Variants in ZNF814 observed in about 807,000 individuals in gnomAD.
The protein encoded by ZNF814 is zinc finger protein 814.
A neutral mutation model predicts 7.5 loss-of-function variants in ZNF814; 5 were observed. That is an observed-to-expected ratio of 0.67 (90% CI 0.35 to 1.40). The LOEUF is 1.40. Ranked by LOEUF, ZNF814 falls within the 40% of genes most tolerant of loss-of-function variation. The pLI, the probability that ZNF814 is intolerant of heterozygous loss-of-function variation, is 0.04. For synonymous variants in ZNF814, 315 were observed against 340.7 expected, an observed-to-expected ratio of 0.92 and a Z score of 0.83; for missense variants, 962 against 1,018.0, an observed-to-expected ratio of 0.94 and a Z score of 0.75.
At chr19:57,898,939 C>CAAAAAAAA in the ZNF814 span, among the ~76,000 whole-genome samples, 1 of 91,990 alleles carries the variant, frequency 1.1e-5, no homozygotes, top group Non-Finnish European at 2.3e-5. Flanking sequence ...GACTCTGTCT[C>CAAAAAAAA]AAAAAAAAAA....
the ZNF814 span, among the ~76,000 whole-genome samples, chr19:57,904,514 T>C: frequency 2.0e-5 from 3 of 152,134 alleles, no homozygotes; most frequent in Non-Finnish European, 2.9e-5. Flanking sequence ...GCCCCTGCCT[T>C]TGAAAGCAGG....
rs59940117 is a variant in ZNF814 at position 57,876,197 on chromosome 19, C to T, written c.163+719G>A. On this transcript the variant is annotated intron_variant, in intron 2 of 2. Coordinates refer to ENST00000435989, the MANE Select transcript of ZNF814 (RefSeq NM_001144989.2). ...GGTCTTGAACTCCTGACCTCATGAT[C>T]CACCTGCCAGGGCCTCCCAAAGTGC... is the stretch of plus-strand genomic sequence containing the variant. Among the ~76,000 whole-genome samples the T allele has an allele frequency of 8.0e-3, 1,215 of 152,056 alleles. 14 individuals carry two copies. The highest frequency in any genetic ancestry group is 0.027 in the African/African-American group (1,135 of 41,488).
the ZNF814 span, among the ~76,000 whole-genome samples, chr19:57,903,202 T>G: frequency 6.6e-6 from 1 of 152,228 alleles, no homozygotes; most frequent in African/African-American, 2.4e-5. Flanking sequence ...CAAAAAGATT[T>G]ATAGTTGCTC....
upstream of ZNF814, among the ~76,000 whole-genome samples, chr19:57,892,576 C>T (rs2071739441): frequency 6.6e-6 from 1 of 152,182 alleles, no homozygotes; most frequent in Non-Finnish European, 1.5e-5. Flanking sequence ...GAATAATCTG[C>T]CTTGCTGATG....
chr19:57,889,814 G>C (rs1264921235), upstream of ZNF814, among the ~76,000 whole-genome samples: 2 of 152,094 alleles, frequency 1.3e-5, no homozygotes, highest in African/African-American at 4.8e-5. Flanking sequence ...CGGTGAGTGA[G>C]ATCCTGCCAC....
the ZNF814 span, among the ~76,000 whole-genome samples, chr19:57,903,032 C>T: frequency 6.6e-6 from 1 of 152,076 alleles, no homozygotes; most frequent in African/African-American, 2.4e-5. Context: ...AGGAATGTCA[C>T]TTGTTTACTT....
At chr19:57,884,365 C>G (rs1011895833) in intron 1 of ZNF814, among the ~76,000 whole-genome samples, 1 of 152,152 alleles carries the variant, frequency 6.6e-6, no homozygotes, top group African/African-American at 2.4e-5. Context: ...ATAATCATAG[C>G]AGTTTGGGAG....
At chr19:57,889,630 C>T (rs1161570968), upstream of ZNF814, among the ~76,000 whole-genome samples, 1 of 152,058 alleles carries the variant, frequency 6.6e-6, no homozygotes, top group African/African-American at 2.4e-5. Flanking sequence ...TTTGGGAGGC[C>T]GAGGCAGGTG....
At chr19:57,894,430 TGTTTC>T in the ZNF814 span, among the ~76,000 whole-genome samples, 3 of 152,092 alleles carry the variant, frequency 2.0e-5, no homozygotes, top group African/African-American at 7.2e-5. Context: ...TTTCTTATTT[TGTTTC>T]ATTTTGTTTT....
Position 57,888,684 on chromosome 19 carries a change from C to T in ZNF814, c.36+83G>A. 2.0e-6 allele frequency: 3 copies of T among 1,517,964 alleles called. No individual in the cohort carries two copies. In the South Asian group the frequency reaches 3.6e-5, roughly 18 times the overall value. The allele number at this position is 1,517,964 out of a possible 1,614,324, so 94.0% of individuals were successfully genotyped here. A position where few individuals can be genotyped will look rare whatever the true frequency, so the allele number is the denominator to read the frequency against. On this transcript the variant is annotated intron_variant, in intron 1 of 2. Coordinates refer to ENST00000435989, the MANE Select transcript of ZNF814 (RefSeq NM_001144989.2). ...TGTCCCAACGCCGGCGTCCGGGCTGCAGAGCCGTGAACAGGCGCTGCTACC... is the reference window on the plus strand; with the variant it reads ...TGTCCCAACGCCGGCGTCCGGGCTGTAGAGCCGTGAACAGGCGCTGCTACC...
At chr19:57,883,286 G>T (rs150632364) in intron 1 of ZNF814, among the ~76,000 whole-genome samples, 1 of 150,568 alleles carries the variant, frequency 6.6e-6, no homozygotes, top group East Asian at 2.0e-4. Context: ...TGAACCCCAG[G>T]GGGGCAGAGC....
intron 2 of ZNF814, among the ~76,000 whole-genome samples, chr19:57,875,852 T>C (rs2071601674): frequency 1.3e-5 from 2 of 151,868 alleles, no homozygotes; most frequent in South Asian, 4.2e-4. Flanking sequence ...GTGTGCCTAC[T>C]TGCCTTGCCA....
the ZNF814 span, among the ~76,000 whole-genome samples, chr19:57,895,173 C>A: frequency 6.6e-6 from 1 of 152,146 alleles, no homozygotes; most frequent in South Asian, 2.1e-4. Context: ...AGAGGGGCCT[C>A]TAACTCTTAG....
chr19:57,875,312 G>A, intron 2 of ZNF814, 86 bp from the exon 3 acceptor site: 3 of 1,607,268 alleles, frequency 1.9e-6, no homozygotes, highest in Non-Finnish European at 2.5e-6. Context: ...AAAAACTGAG[G>A]AATTACTCCA....
the ZNF814 span, among the ~76,000 whole-genome samples, chr19:57,901,925 G>A: frequency 1.8e-3 from 279 of 152,218 alleles, no homozygotes; most frequent in African/African-American, 6.2e-3. Flanking sequence ...CGATGCCTGA[G>A]CCCATAGATA....
chr19:57,888,671 G>A, intron 1 of ZNF814, 96 bp downstream of exon 1: 2 of 1,475,034 alleles, frequency 1.4e-6, no homozygotes, highest in Non-Finnish European at 1.8e-6. Flanking sequence ...TCCCAACGCC[G>A]GCGTCCGGGC....
chr19:57,884,820 A>C (rs1205005426), intron 1 of ZNF814, among the ~76,000 whole-genome samples: 1 of 152,214 alleles, frequency 6.6e-6, no homozygotes, highest in Non-Finnish European at 1.5e-5. Flanking sequence ...AATGGAAATT[A>C]GTACAACCAC....
intron 1 of ZNF814, among the ~76,000 whole-genome samples, chr19:57,880,174 G>C (rs1288852516): frequency 7.8e-6 from 1 of 127,934 alleles, no homozygotes; most frequent in South Asian, 2.4e-4. Flanking sequence ...GACCGCATTA[G>C]AAAATCTAGC....
chr19:57,896,574 T>C, the ZNF814 span, among the ~76,000 whole-genome samples: 1 of 152,170 alleles, frequency 6.6e-6, no homozygotes, highest in Admixed American at 6.5e-5. The surrounding 1 kb of genome is among the most constrained non-coding windows in gnomAD (Gnocchi z 4.2). Flanking sequence ...AAAATTCTAT[T>C]CAAAAGGCTA....
Sources: allele counts gnomAD v4.1 joint callset (sites outside exome capture counted in the v4.1 genomes callset), GRCh38; gene constraint gnomAD v4.1.1; non-coding constraint Gnocchi (gnomAD v3.1); transcripts MANE v1.5; gene names NCBI Gene and HGNC (gene_info 2026-07-23, HGNC 2026-07-21).